The following RSPH4A variants were observed in gnomAD, a reference collection of about 807,000 sequenced individuals.
The protein encoded by RSPH4A is radial spoke head component 4A, also known as radial spoke head protein 4 homolog A.
In RSPH4A, 47 loss-of-function variants were observed where a neutral mutation model predicts 71.0. That is an observed-to-expected ratio of 0.66 (90% confidence interval 0.52 to 0.84). The LOEUF (loss-of-function observed/expected upper bound fraction) is 0.84, where lower values mean the gene tolerates loss of function less well. Among genes scored for constraint, RSPH4A ranks in the 40% least tolerant of loss-of-function variants. The probability of loss-of-function intolerance (pLI) is 0.00; values close to 1 mark genes in which losing one functional copy is unlikely to be tolerated. For synonymous variants in RSPH4A, 282 were observed against 302.3 expected, an observed-to-expected ratio of 0.93 and a Z score of 0.70; for missense variants, 793 against 855.2, an observed-to-expected ratio of 0.93 and a Z score of 0.91.
At position 116,632,921 on chromosome 6, in the gene RSPH4A, G is replaced by A. The variant is rs1775831426; in HGVS notation, c.*480G>A. ...ACAAAAAATATTGATAGTCACTAGA[G>A]TAATGTATTCTTAACCTTTGTAAGA... On this transcript the variant is annotated 3_prime_UTR_variant, in exon 6 of 6. Coordinates refer to ENST00000229554, the MANE Select transcript of RSPH4A (RefSeq NM_001010892.3). 2.8e-5 allele frequency: 5 copies of A among 180,370 alleles called. No individual in the cohort carries two copies. In the South Asian group the frequency reaches 5.9e-4, roughly 21 times the overall value. 11.2% of individuals were successfully genotyped at this position (180,370 alleles called of 1,614,324 possible).
In RSPH4A at chr6:116,619,642, C is replaced by T. The variant is rs995577713; in HGVS notation, c.686+2333C>T. ...GATATATGAGATATAATTTTAAAGTCTAAGGAATAAAAAAATTAATGTATG... is the reference window on the plus strand; with the variant it reads ...GATATATGAGATATAATTTTAAAGTTTAAGGAATAAAAAAATTAATGTATG... On this transcript the variant is annotated intron_variant, in intron 1 of 5. Transcript: ENST00000229554. 5.3e-5 allele frequency among the ~76,000 whole-genome samples: 8 copies of T among 151,762 alleles called. No individual in the cohort carries two copies. In the East Asian group the frequency reaches 1.6e-3, roughly 30 times the overall value.
chr6:116,625,044 T>C (rs1237766772), intron 2 of RSPH4A, among the ~76,000 whole-genome samples: 2 of 152,090 alleles, frequency 1.3e-5, no homozygotes, highest in Non-Finnish European at 2.9e-5. Flanking sequence ...GGCTAAACTT[T>C]CCAAGCCTTA....
intron 5 of RSPH4A, 143 bp downstream of exon 5, chr6:116,630,695 CAG>C (rs1491397887): frequency 9.6e-6 from 4 of 417,296 alleles, no homozygotes; most frequent in South Asian, 2.2e-5. Flanking sequence ...TTTTTTGAGA[CAG>C]AGTCTTGCTC....
chr6:116,629,420 A>G, intron 3 of RSPH4A, 147 bp from the exon 4 acceptor site: 1 of 893,134 alleles, frequency 1.1e-6, no homozygotes, highest in Non-Finnish European at 1.7e-6. Context: ...AGATCAAAAT[A>G]GCACTTGGAA....
chr6:116,617,643 A>C (rs1775535038), intron 1 of RSPH4A, among the ~76,000 whole-genome samples: 1 of 152,072 alleles, frequency 6.6e-6, no homozygotes, highest in Non-Finnish European at 1.5e-5. Context: ...GCATCTCTCC[A>C]GGATGCTTGT....
rs531927244 is a variant in RSPH4A, at chr6:116,627,270, G to C, written c.922-359G>C. Among the ~76,000 whole-genome samples, 3 of 152,260 alleles carry C rather than the reference G, an allele frequency of 2.0e-5. No homozygotes were observed. The South Asian group carries it at 6.2e-4, about 32-fold the overall frequency. ...TAGGCTGGAATGCAGTGGTGTGATA[G>C]CTCACTGCAACTTCCGCCTCCCGGG... On this transcript the variant is annotated intron_variant, in intron 2 of 5. Transcript: ENST00000229554.
Position 116,616,855 on chromosome 6 carries a change from G to GA in RSPH4A, c.235dup (p.Thr79AsnfsTer41), listed in dbSNP as rs1775512496. Reference sequence around the variant, plus strand: ...GCCTCTGGGTGGCCCCGCGGGACCAGAAACATCATCACCTGCTCCTGTCTC... The same window carrying GA: ...GCCTCTGGGTGGCCCCGCGGGACCAGAAAACATCATCACCTGCTCCTGTCTC... On this transcript the variant is annotated frameshift_variant, in exon 1 of 6. Coordinates refer to ENST00000229554, the MANE Select transcript of RSPH4A (RefSeq NM_001010892.3). LOFTEE classifies it high-confidence loss of function. 6.2e-7 allele frequency: 1 copy of GA among 1,614,004 alleles called. No homozygotes were observed. The highest frequency in any genetic ancestry group is 8.5e-7 in the Non-Finnish European group (1 of 1,180,000).
rs927205331 is a variant in RSPH4A, at chr6:116,632,318, A to C, written c.2028A>C (p.Thr676=). 6.2e-7 allele frequency: 1 copy of C among 1,614,008 alleles called. No individual in the cohort carries two copies. The highest frequency in any genetic ancestry group is 8.5e-7 in the Non-Finnish European group (1 of 1,180,008). ...AATACCCCAGTGGACCAGAAATTAC[A>C]GAAATGGATGATCCTAGTGTGGAGG... ...YQEYPSGPEI[T]EMDDPSVEEE... is the part of the protein sequence containing the mutation. The change falls in exon 6 of 6, where the codon ACA becomes ACC. Residue 676 remains threonine (T), a synonymous_variant. Transcript: ENST00000229554.
At chr6:116,619,869 C>T (rs1404901642) in intron 1 of RSPH4A, among the ~76,000 whole-genome samples, 1 of 152,154 alleles carries the variant, frequency 6.6e-6, no homozygotes, top group Admixed American at 6.5e-5. Context: ...CAGGCGCCTG[C>T]CACCACACAT....
rs955039742 is a variant in RSPH4A at position 116,632,649 on chromosome 6, T to C, written c.*208T>C. 6 of 595,584 alleles carry C rather than the reference T, an allele frequency of 1.0e-5. No homozygotes were observed. The Admixed American group carries it at 1.6e-4, about 16-fold the overall frequency. 36.9% of individuals were successfully genotyped at this position (595,584 alleles called of 1,614,324 possible). ...TTATTGAAAGATACTCACAGGATTT[T>C]CCAGAGGCTAAATAACATGCAATTG... On this transcript the variant is annotated 3_prime_UTR_variant, in exon 6 of 6. Coordinates refer to ENST00000229554, the MANE Select transcript of RSPH4A (RefSeq NM_001010892.3).
chr6:116,629,456 T>A (rs1488274586), intron 3 of RSPH4A, 111 bp from the exon 4 acceptor site: 5 of 1,114,348 alleles, frequency 4.5e-6, no homozygotes, highest in Admixed American at 3.6e-5. Context: ...AATGAATGAA[T>A]AATTGATTAA....
intron 4 of RSPH4A, among the ~76,000 whole-genome samples, 156 bp from the exon 5 acceptor site, chr6:116,630,273 CTGATTT>C (rs1775771328): frequency 6.6e-6 from 1 of 151,346 alleles, no homozygotes; most frequent in African/African-American, 2.4e-5. Context: ...AAGTACCCTC[CTGATTT>C]TGTTAAGTTG....
At chr6:116,624,238 G>A (rs1200023328) in intron 2 of RSPH4A, among the ~76,000 whole-genome samples, 1 of 152,218 alleles carries the variant, frequency 6.6e-6, no homozygotes. Context: ...AGGAACAGGT[G>A]ATAGGTGTCA....
Position 116,627,570 on chromosome 6 carries a change from C to G in RSPH4A, c.922-59C>G, listed in dbSNP as rs189563981. The G allele has an allele frequency of 1.2e-5, 15 of 1,265,964 alleles. No individual in the cohort carries two copies. The Admixed American group carries it at 1.5e-4, about 13-fold the overall frequency. The allele number at this position is 1,265,964 out of a possible 1,614,324, so 78.4% of individuals were successfully genotyped here. A position where few individuals can be genotyped will look rare whatever the true frequency, so the allele number is the denominator to read the frequency against. On this transcript the variant is annotated intron_variant, in intron 2 of 5. Transcript: ENST00000229554. The stretch of plus-strand genomic sequence containing the variant: ...AGAATATCGAGATACATGAAAAAGA[C>G]AAGGGAAGCAAGCATTTGTCTTATT...
At chr6:116,631,586 G>C (rs1039425498) in intron 5 of RSPH4A, among the ~76,000 whole-genome samples, 2 of 152,148 alleles carry the variant, frequency 1.3e-5, no homozygotes, top group Admixed American at 6.5e-5. Flanking sequence ...AGAAAGGAGG[G>C]GCTGGAAAGG....
At chr6:116,631,811 C>G (rs759830945) in intron 5 of RSPH4A, among the ~76,000 whole-genome samples, 1 of 152,192 alleles carries the variant, frequency 6.6e-6, no homozygotes, top group Non-Finnish European at 1.5e-5. Context: ...ACATAGGTTT[C>G]TAACCACAAG....
rs754467002 is a variant in RSPH4A at position 116,616,601 on chromosome 6, A to AT, written c.-15dup. ...TTTTCACGCCCCTTTCATCCAGAAC[A>AT]TTTTTTTTCTTGAACTGCTTCCATG... On this transcript the variant is annotated 5_prime_UTR_variant, in exon 1 of 6. Transcript: ENST00000229554. The AT allele has an allele frequency of 7.0e-5, 111 of 1,587,618 alleles. No homozygotes were observed. Among genetic ancestry groups the AT allele is most frequent in the Non-Finnish European group, 8.6e-5 (100 of 1,163,272 alleles).
chr6:116,621,850 G>C (rs1321954739), intron 1 of RSPH4A, among the ~76,000 whole-genome samples: 1 of 152,120 alleles, frequency 6.6e-6, no homozygotes, highest in African/African-American at 2.4e-5. Flanking sequence ...ACATTGAACA[G>C]AGGATTTTTT....
chr6:116,623,615 G>A (rs117009436), intron 2 of RSPH4A, among the ~76,000 whole-genome samples: 1 of 152,012 alleles, frequency 6.6e-6, no homozygotes, highest in Non-Finnish European at 1.5e-5. Flanking sequence ...CAAGGTGCCT[G>A]GTACAGATCT....
Sources: allele counts gnomAD v4.1 joint callset (sites outside exome capture counted in the v4.1 genomes callset), GRCh38; gene constraint gnomAD v4.1.1; transcripts MANE v1.5; gene names NCBI Gene and HGNC (gene_info 2026-07-23, HGNC 2026-07-21).